The following DIS3L2 variants were observed in gnomAD, a reference collection of about 807,000 sequenced individuals.
DIS3L2 encodes DIS3-like exonuclease 2.
A neutral mutation model predicts 97.5 loss-of-function variants in DIS3L2; 34 were observed. The observed-to-expected ratio is 0.35, with a 90% CI of 0.27 to 0.46. DIS3L2 has a LOEUF of 0.46. Among genes scored for constraint, DIS3L2 ranks in the 20% least tolerant of loss-of-function variants. The pLI, the probability that DIS3L2 is intolerant of heterozygous loss-of-function variation, is 1.00. For synonymous variants in DIS3L2, 435 were observed against 445.2 expected, an observed-to-expected ratio of 0.98 and a Z score of 0.29; for missense variants, 1,038 against 1,146.0, an observed-to-expected ratio of 0.91 and a Z score of 1.36.
intron 1 of DIS3L2, among the ~76,000 whole-genome samples, chr2:231,963,226 A>G (rs1692618564): frequency 6.6e-6 from 1 of 152,174 alleles, no homozygotes; most frequent in African/African-American, 2.4e-5. Context: ...TTTCCAAGGG[A>G]GCCTAATGAG....
intron 5 of DIS3L2, among the ~76,000 whole-genome samples, chr2:232,086,749 G>C (rs1574864001): frequency 6.7e-6 from 1 of 148,362 alleles, no homozygotes; most frequent in Admixed American, 6.8e-5. Context: ...GTGCCATCTC[G>C]GCTCGCTGCA....
At position 232,210,396 on chromosome 2, in the gene DIS3L2, C is replaced by G. The variant is rs1692155006; in HGVS notation, c.1195C>G (p.Leu399Val). 4 of 1,613,422 alleles carry G rather than the reference C, an allele frequency of 2.5e-6. No homozygotes were observed. The African/African-American group carries it at 4.0e-5, about 16-fold the overall frequency. ...DLDDALSCKPLADGNFKVGVH... is the reference protein window; with the variant it reads ...DLDDALSCKPVADGNFKVGVH... ...CGATGATGCCCTCTCCTGCAAGCCA[C>G]TCGCTGACGGTAGGATGGAAATTTC... Residue 399 changes from leucine (L) to valine (V), a missense_variant, in exon 10 of 21, where the codon CTC becomes GTC. Transcript: ENST00000325385.
intron 13 of DIS3L2, among the ~76,000 whole-genome samples, chr2:232,277,893 A>G (rs962932344): frequency 1.3e-5 from 2 of 152,202 alleles, no homozygotes; most frequent in Non-Finnish European, 2.9e-5. Context: ...CAGTTGGAAC[A>G]AGTGCTATGT....
chr2:232,307,815 G>T (rs1391957064), intron 14 of DIS3L2: 1 of 152,182 alleles, frequency 6.6e-6, no homozygotes, highest in Non-Finnish European at 1.5e-5. Flanking sequence ...TTTCACAATT[G>T]TACAGAATAA....
At chr2:232,333,493 G>A (rs1221849337) in intron 16 of DIS3L2, among the ~76,000 whole-genome samples, 2 of 152,188 alleles carry the variant, frequency 1.3e-5, no homozygotes, top group Non-Finnish European at 2.9e-5. Context: ...TACCCTGACA[G>A]CATCCTGGGG....
At chr2:232,205,134 GA>G (rs1456949510) in intron 9 of DIS3L2, among the ~76,000 whole-genome samples, 2 of 151,164 alleles carry the variant, frequency 1.3e-5, no homozygotes, top group African/African-American at 4.9e-5. Flanking sequence ...CATGATTCTG[GA>G]ATGTTGTAAT....
chr2:232,070,147 C>G (rs964478049), intron 5 of DIS3L2, among the ~76,000 whole-genome samples: 1 of 152,168 alleles, frequency 6.6e-6, no homozygotes, highest in African/African-American at 2.4e-5. Flanking sequence ...GAACTCTGTT[C>G]AAGTAGAAAT....
At position 232,096,967 on chromosome 2, in the gene DIS3L2, T is replaced by C. The variant is rs141204952; in HGVS notation, c.601+9246T>C. 1.7e-3 allele frequency among the ~76,000 whole-genome samples: 255 copies of C among 152,332 alleles called. 2 individuals are homozygous for C. The highest frequency in any genetic ancestry group is 5.7e-3 in the African/African-American group (238 of 41,582). Reference sequence around the variant, plus strand: ...TGAGGTTATGTTTTCCCAGATGGTGTTGATGCTTGTGGTTGTTCATCGGTG... The same window carrying C: ...TGAGGTTATGTTTTCCCAGATGGTGCTGATGCTTGTGGTTGTTCATCGGTG... On this transcript the variant is annotated intron_variant, in intron 6 of 20. Coordinates refer to ENST00000325385, the MANE Select transcript of DIS3L2 (RefSeq NM_152383.5).
At position 232,336,986 on chromosome 2, in the gene DIS3L2, G is replaced by A. The variant is rs1695978911; in HGVS notation, c.*356G>A. ...TCAAGTGTGGAGTGCCATCTGGTGT[G>A]TAGGGCGCCTCTGGGAAGCCTGGGC... On this transcript the variant is annotated 3_prime_UTR_variant, in exon 21 of 21. Coordinates refer to ENST00000325385, the MANE Select transcript of DIS3L2 (RefSeq NM_152383.5). 1.8e-6 allele frequency: 2 copies of A among 1,119,942 alleles called. No homozygotes were observed. Among genetic ancestry groups the A allele is most frequent in the Non-Finnish European group, 1.1e-6 (1 of 911,518 alleles). The allele number at this position is 1,119,942 out of a possible 1,614,324, so 69.4% of individuals were successfully genotyped here. A position where few individuals can be genotyped will look rare whatever the true frequency, so the allele number is the denominator to read the frequency against.
At chr2:232,028,017 T>A (rs1258359077) in intron 4 of DIS3L2, among the ~76,000 whole-genome samples, 1 of 152,200 alleles carries the variant, frequency 6.6e-6, no homozygotes, top group Admixed American at 6.5e-5. Context: ...AACTTTTTAA[T>A]GCATCGTGTC....
chr2:232,107,177 A>G (rs548300734), intron 6 of DIS3L2, among the ~76,000 whole-genome samples: 7 of 152,310 alleles, frequency 4.6e-5, no homozygotes, highest in Non-Finnish European at 1.0e-4. Context: ...TTAACAACCT[A>G]TCATCACGAC....
chr2:232,329,785 T>TGCCGGGGGGGCC, intron 14 of DIS3L2, 28 bp from the exon 15 acceptor site: 116 of 967,098 alleles, frequency 1.2e-4, no homozygotes, highest in East Asian at 1.6e-4. Context: ...ACCCCAGCGG[T>TGCCGGGGGGGCC]CCCTCCCATC....
At chr2:232,090,975 C>G (rs1225924067) in intron 6 of DIS3L2, among the ~76,000 whole-genome samples, 1 of 152,214 alleles carries the variant, frequency 6.6e-6, no homozygotes, top group East Asian at 1.9e-4. Flanking sequence ...GACATTCATA[C>G]AGTAGTTTCT....
downstream of DIS3L2, chr2:232,340,891 T>A: frequency 2.1e-6 from 1 of 471,032 alleles, no homozygotes; most frequent in South Asian, 1.5e-5. Flanking sequence ...GAAAACTTCA[T>A]GAAACAAAAA....
At chr2:232,300,761 C>T (rs1017306377) in intron 14 of DIS3L2, among the ~76,000 whole-genome samples, 4 of 150,840 alleles carry the variant, frequency 2.7e-5, no homozygotes, top group African/African-American at 9.8e-5. Context: ...CTCAAGTGAT[C>T]CTCCCACCTG....
intron 1 of DIS3L2, among the ~76,000 whole-genome samples, chr2:231,989,732 A>T (rs541571188): frequency 9.9e-5 from 15 of 152,228 alleles, no homozygotes; most frequent in African/African-American, 2.6e-4. Flanking sequence ...GCTACTCGGG[A>T]GCTGAAGTGG....
intron 5 of DIS3L2, among the ~76,000 whole-genome samples, chr2:232,084,238 G>T (rs1014682995): frequency 1.3e-5 from 2 of 152,024 alleles, no homozygotes; most frequent in Non-Finnish European, 2.9e-5. Context: ...TGGGGGAGCT[G>T]GTTTTTTAAT....
intron 9 of DIS3L2, among the ~76,000 whole-genome samples, chr2:232,190,120 G>T (rs966902861): frequency 6.6e-6 from 1 of 152,130 alleles, no homozygotes; most frequent in African/African-American, 2.4e-5. Context: ...TTGAATGCAG[G>T]AGTTCGAGAC....
At chr2:231,962,197 C>T (rs950593335) in intron 1 of DIS3L2, among the ~76,000 whole-genome samples, 6 of 152,116 alleles carry the variant, frequency 3.9e-5, no homozygotes, top group Admixed American at 1.3e-4. Context: ...TGAAGGGCAG[C>T]CGCTTAATTA....
Sources: allele counts gnomAD v4.1 joint callset (sites outside exome capture counted in the v4.1 genomes callset), GRCh38; gene constraint gnomAD v4.1.1; transcripts MANE v1.5; gene names NCBI Gene and HGNC (gene_info 2026-07-23, HGNC 2026-07-21).